NFIA: variants seen among roughly 807,000 people sequenced by gnomAD.
The protein encoded by NFIA is nuclear factor 1 A-type.
A neutral mutation model predicts 62.8 loss-of-function variants in NFIA; 8 were observed. The observed-to-expected ratio is 0.13, with a 90% CI of 0.07 to 0.23. The LOEUF (loss-of-function observed/expected upper bound fraction) is 0.23. Ranked by LOEUF, NFIA falls within the 10% of genes least tolerant of loss-of-function variation. The pLI is 1.00. For missense variants in NFIA, 410 were observed against 642.1 expected (o/e 0.64, Z 3.91); for synonymous variants, 235 against 238.1 (o/e 0.99, Z 0.12).
At chr1:61,085,695 ATACTT>A (rs1553148951) in intron 1 of NFIA, among the ~76,000 whole-genome samples, 1 of 152,268 alleles carries the variant, frequency 6.6e-6, no homozygotes, top group Non-Finnish European at 1.5e-5. Context: ...GAAAAAATCA[ATACTT>A]TAATTGTGCA....
chr1:61,192,245 A>G (rs2100576754), intron 2 of NFIA, among the ~76,000 whole-genome samples: 1 of 152,300 alleles, frequency 6.6e-6, no homozygotes, highest in Non-Finnish European at 1.5e-5. Flanking sequence ...CCACAGTGCA[A>G]AGTGTTGGGA....
At chr1:61,156,121 G>A (rs550740646) in intron 2 of NFIA, among the ~76,000 whole-genome samples, 11 of 152,284 alleles carry the variant, frequency 7.2e-5, no homozygotes, top group African/African-American at 2.2e-4. Context: ...GCGACAGAGC[G>A]AGACTGTCTC....
intron 2 of NFIA, among the ~76,000 whole-genome samples, chr1:61,109,788 A>G (rs751026906): frequency 1.3e-5 from 2 of 151,966 alleles, no homozygotes; most frequent in Non-Finnish European, 2.9e-5. Context: ...GAGGAAGAGT[A>G]GAATTATGTT....
chr1:61,270,290 A>G (rs1437301816), intron 2 of NFIA, among the ~76,000 whole-genome samples: 1 of 152,178 alleles, frequency 6.6e-6, no homozygotes, highest in African/African-American at 2.4e-5. Context: ...TAGTGTCTCC[A>G]TTTTACAGAT....
intron 2 of NFIA, among the ~76,000 whole-genome samples, chr1:61,192,297 T>G (rs1651691866): frequency 6.6e-6 from 1 of 152,090 alleles, no homozygotes; most frequent in Non-Finnish European, 1.5e-5. Context: ...AAATAACAAG[T>G]TTTGAAGCAT....
At chr1:61,169,379 GT>G (rs1412291400) in intron 2 of NFIA, among the ~76,000 whole-genome samples, 3 of 152,154 alleles carry the variant, frequency 2.0e-5, no homozygotes, top group Non-Finnish European at 4.4e-5. Context: ...CTCTTAGTTT[GT>G]CCCCCCAAGG....
intron 2 of NFIA, among the ~76,000 whole-genome samples, chr1:61,170,912 TA>T (rs56336067): frequency 0.093 from 14,097 of 152,126 alleles, 1,077 homozygotes; most frequent in East Asian, 0.21. Context: ...TTCAGTTTCA[TA>T]AAAAAAAAAG....
chr1:61,307,317 C>T (rs1333964931), intron 3 of NFIA, among the ~76,000 whole-genome samples: 2 of 152,188 alleles, frequency 1.3e-5, no homozygotes, highest in Non-Finnish European at 2.9e-5. Context: ...GCTAGCCCTT[C>T]TGCCACGTGA....
intron 2 of NFIA, among the ~76,000 whole-genome samples, chr1:61,089,691 TTTTC>T (rs1184537543): frequency 2.9e-4 from 43 of 150,272 alleles, no homozygotes; most frequent in African/African-American, 7.8e-4. Context: ...TAACGTTTTT[TTTTC>T]TTTTTTTTTT....
intron 6 of NFIA, among the ~76,000 whole-genome samples, chr1:61,381,556 A>G (rs1664414680): frequency 6.6e-6 from 1 of 152,200 alleles, no homozygotes; most frequent in Admixed American, 6.5e-5. Flanking sequence ...GTATGAAATC[A>G]CATACCACTC....
chr1:61,099,895 C>T (rs1646479209), intron 2 of NFIA, among the ~76,000 whole-genome samples: 1 of 152,168 alleles, frequency 6.6e-6, no homozygotes, highest in African/African-American at 2.4e-5. Context: ...AGTGAGGAAA[C>T]AGCCAGAGAG....
At chr1:61,416,309 T>G (rs945198638) in intron 9 of NFIA, among the ~76,000 whole-genome samples, 2 of 152,180 alleles carry the variant, frequency 1.3e-5, no homozygotes, top group African/African-American at 4.8e-5. Context: ...ACTAAAATGA[T>G]GACAGTGATC....
At chr1:61,437,704 A>G (rs537987028) in intron 10 of NFIA, among the ~76,000 whole-genome samples, 2 of 152,212 alleles carry the variant, frequency 1.3e-5, no homozygotes, top group Admixed American at 1.3e-4. Context: ...GGGGAGAAGC[A>G]TGGAGCTCAT....
At chr1:61,413,351 C>CT (rs1666192447) in intron 9 of NFIA, among the ~76,000 whole-genome samples, 1 of 152,014 alleles carries the variant, frequency 6.6e-6, no homozygotes, top group Admixed American at 6.6e-5. Context: ...TAACAAAGCT[C>CT]TTTTTACATA....
At chr1:61,108,087 ACCT>A (rs1646634903) in intron 2 of NFIA, among the ~76,000 whole-genome samples, 1 of 151,536 alleles carries the variant, frequency 6.6e-6, no homozygotes, top group African/African-American at 2.4e-5. Flanking sequence ...AAAATTTCAC[ACCT>A]CTTTTTGAAA....
At chr1:61,283,084 G>T (rs918020964) in intron 3 of NFIA, among the ~76,000 whole-genome samples, 2 of 152,056 alleles carry the variant, frequency 1.3e-5, no homozygotes, top group East Asian at 3.9e-4. Context: ...TACCTTTCAT[G>T]TTCACCATCT....
intron 3 of NFIA, among the ~76,000 whole-genome samples, chr1:61,319,967 A>T (rs998514525): frequency 6.6e-6 from 1 of 152,086 alleles, no homozygotes; most frequent in Non-Finnish European, 1.5e-5. Context: ...ACACATGCTC[A>T]CTTCCAGCTG....
chr1:61,121,324 T>C (rs550413117), intron 2 of NFIA, among the ~76,000 whole-genome samples: 5 of 152,292 alleles, frequency 3.3e-5, no homozygotes, highest in East Asian at 3.9e-4. Context: ...GGTTTCTAGA[T>C]AGAAATTAGC....
At chr1:61,363,980 T>C (rs1213399505) in intron 6 of NFIA, among the ~76,000 whole-genome samples, 1 of 149,556 alleles carries the variant, frequency 6.7e-6, no homozygotes, top group Non-Finnish European at 1.5e-5. Context: ...AGAGTCTTGC[T>C]CTATCGCCCA....
Sources: allele counts gnomAD v4.1 joint callset (sites outside exome capture counted in the v4.1 genomes callset), GRCh38; gene constraint gnomAD v4.1.1; transcripts MANE v1.5; gene names NCBI Gene and HGNC (gene_info 2026-07-23, HGNC 2026-07-21).